The following KAZN variants were observed in gnomAD, a reference collection of about 807,000 sequenced individuals.
KAZN encodes the protein kazrin.
Under a neutral mutation model 87.4 loss-of-function variants are expected in KAZN, and 40 were observed. The observed-to-expected ratio is 0.46, with a 90% CI of 0.36 to 0.60. The LOEUF (loss-of-function observed/expected upper bound fraction) is 0.60, where lower values mean the gene tolerates loss of function less well. Among genes scored for constraint, KAZN ranks in the 20% least tolerant of loss-of-function variants. The pLI, the probability that KAZN is intolerant of heterozygous loss-of-function variation, is 0.00. For synonymous variants in KAZN, 466 were observed against 458.3 expected (o/e 1.02, Z -0.22); for missense variants, 898 against 1,073.9 (o/e 0.84, Z 2.29).
chr1:14,397,694 T>TA (rs1663016678), intron 2 of KAZN, among the ~76,000 whole-genome samples: 1 of 151,276 alleles, frequency 6.6e-6, no homozygotes, highest in Non-Finnish European at 1.5e-5. Context: ...CCATCTCTAC[T>TA]AAAAATACAA....
At chr1:14,547,621 C>A (rs767148147) in intron 2 of KAZN, among the ~76,000 whole-genome samples, 1 of 152,142 alleles carries the variant, frequency 6.6e-6, no homozygotes, top group Admixed American at 6.5e-5. Flanking sequence ...CTCGCTCTGT[C>A]GCCCAGGCTG....
chr1:15,046,279 C>T (rs1245255858), intron 4 of KAZN, among the ~76,000 whole-genome samples: 1 of 123,450 alleles, frequency 8.1e-6, no homozygotes, highest in African/African-American at 3.3e-5. Context: ...GCCTGGGCAA[C>T]AGAGCAAGAC....
chr1:14,316,471 G>T (rs1326744585), intron 2 of KAZN, among the ~76,000 whole-genome samples: 1 of 151,760 alleles, frequency 6.6e-6, no homozygotes, highest in Non-Finnish European at 1.5e-5. Flanking sequence ...GATCAACCTA[G>T]CTAATGGTTT....
intron 1 of KAZN, among the ~76,000 whole-genome samples, chr1:14,958,822 AAGGGGAAGGCAGTGTGGGGAGGGG>A (rs1663492177): frequency 6.6e-6 from 1 of 152,000 alleles, no homozygotes; most frequent in African/African-American, 2.4e-5. Flanking sequence ...GAATGGAGGG[AAGGGGAAGGCAGTGTGGGGAGGGG>A]AGGGGAGGAG....
At chr1:14,212,501 A>G (rs1646874423) in intron 2 of KAZN, among the ~76,000 whole-genome samples, 2 of 152,258 alleles carry the variant, frequency 1.3e-5, no homozygotes, top group African/African-American at 4.8e-5. Flanking sequence ...AAAAAAGGTA[A>G]AATGAGATTT....
intron 2 of KAZN, among the ~76,000 whole-genome samples, chr1:14,247,526 T>C (rs2100599576): frequency 6.6e-6 from 1 of 152,362 alleles, no homozygotes; most frequent in South Asian, 2.1e-4. Flanking sequence ...GTGTTCGGTT[T>C]TCTGTTCCTG....
intron 1 of KAZN, among the ~76,000 whole-genome samples, chr1:13,897,678 A>G (rs1639095259): frequency 6.6e-6 from 1 of 152,186 alleles, no homozygotes. Flanking sequence ...CCATGTTGGC[A>G]GAGTTGAGAT....
chr1:14,918,659 G>GAGTA (rs1041425741), intron 1 of KAZN, among the ~76,000 whole-genome samples: 1 of 128,106 alleles, frequency 7.8e-6, no homozygotes, highest in Non-Finnish European at 1.6e-5. Context: ...CTGGGCGACA[G>GAGTA]AGTAAGACTC....
At chr1:14,889,442 T>C (rs1336372216) in intron 1 of KAZN, among the ~76,000 whole-genome samples, 1 of 152,234 alleles carries the variant, frequency 6.6e-6, no homozygotes, top group East Asian at 1.9e-4. Context: ...GGAAATATAA[T>C]ATTGAGTGAA....
chr1:15,075,624 T>C (rs1639704424), intron 8 of KAZN, among the ~76,000 whole-genome samples: 1 of 152,200 alleles, frequency 6.6e-6, no homozygotes, highest in Non-Finnish European at 1.5e-5. Context: ...GTGGCTCATA[T>C]GACATCCCTA....
chr1:14,747,746 A>G (rs910457395), intron 1 of KAZN, among the ~76,000 whole-genome samples: 3 of 152,196 alleles, frequency 2.0e-5, no homozygotes, highest in East Asian at 1.9e-4. Context: ...GCTGGGTCAC[A>G]TGATAATTCT....
chr1:14,748,806 T>A (rs1301533042), intron 1 of KAZN, among the ~76,000 whole-genome samples: 1 of 152,148 alleles, frequency 6.6e-6, no homozygotes, highest in Non-Finnish European at 1.5e-5. Flanking sequence ...TCAGTCATGT[T>A]GTCACTACCA....
rs148226658 is a variant in KAZN, at chr1:14,982,261, G to A, written c.418+21386G>A. Among the ~76,000 whole-genome samples the A allele has an allele frequency of 7.2e-5, 11 of 152,228 alleles. 1 individual carries two copies. In the East Asian group the frequency reaches 2.1e-3, roughly 29 times the overall value. ...ACACGCCTGACCACTGTACCTTAAAGACCAAACCCCTGTCTGTTGACACCT... is the reference window on the plus strand; with the variant it reads ...ACACGCCTGACCACTGTACCTTAAAAACCAAACCCCTGTCTGTTGACACCT... On this transcript the variant is annotated intron_variant, in intron 2 of 14. Coordinates refer to ENST00000376030, the MANE Select transcript of KAZN (RefSeq NM_201628.3).
At chr1:15,050,618 C>A (rs1162763421) in intron 4 of KAZN, among the ~76,000 whole-genome samples, 1 of 152,188 alleles carries the variant, frequency 6.6e-6, no homozygotes, top group Non-Finnish European at 1.5e-5. Context: ...AAGCAGTCTG[C>A]CCCAAATGTG....
At chr1:14,521,459 G>C (rs374621468) in intron 2 of KAZN, among the ~76,000 whole-genome samples, 3 of 152,316 alleles carry the variant, frequency 2.0e-5, no homozygotes, top group East Asian at 3.9e-4. Context: ...ATGAACTCAG[G>C]ATTAAATCAG....
At chr1:14,583,004 A>G (rs1675645926) in intron 2 of KAZN, among the ~76,000 whole-genome samples, 1 of 152,232 alleles carries the variant, frequency 6.6e-6, no homozygotes, top group Non-Finnish European at 1.5e-5. Context: ...GAAAGCAGAG[A>G]GGTGAACATT....
intron 2 of KAZN, among the ~76,000 whole-genome samples, chr1:14,481,933 A>G (rs1669106015): frequency 6.6e-6 from 1 of 152,228 alleles, no homozygotes; most frequent in Admixed American, 6.5e-5. Context: ...AGCAAACGGC[A>G]TGCCTGCATG....
In KAZN at chr1:14,367,462, A is replaced by AT. The variant is rs1367754388; in HGVS notation, c.249+186871dup. ...AGCCTGGGGTTTTTATGGGGACAGG[A>AT]TGGGGGGCGGGCTGGGCCATGGGTG... On this transcript the variant is annotated intron_variant, in intron 2 of 16. Coordinates refer to the KAZN transcript ENST00000636203. Among the ~76,000 whole-genome samples, 5 of 151,762 alleles carry AT rather than the reference A, an allele frequency of 3.3e-5. No homozygotes were observed. The East Asian group carries it at 7.8e-4, about 24-fold the overall frequency.
intron 1 of KAZN, among the ~76,000 whole-genome samples, chr1:14,030,333 A>G (rs1168737799): frequency 1.3e-5 from 2 of 151,420 alleles, no homozygotes; most frequent in African/African-American, 4.9e-5. Context: ...CGCAAGAACA[A>G]AAAACCAAAC....
Sources: allele counts gnomAD v4.1 joint callset (sites outside exome capture counted in the v4.1 genomes callset), GRCh38; gene constraint gnomAD v4.1.1; transcripts MANE v1.5; gene names NCBI Gene and HGNC (gene_info 2026-07-23, HGNC 2026-07-21).